Variants in GALNTL6 observed in about 807,000 individuals in gnomAD.
GALNTL6 encodes polypeptide N-acetylgalactosaminyltransferase-like 6.
Under a neutral mutation model 73.7 loss-of-function variants are expected in GALNTL6, and 46 were observed. That is an observed-to-expected ratio of 0.62 (90% confidence interval 0.49 to 0.80). The LOEUF is 0.80. Ranked by LOEUF, GALNTL6 falls within the 30% of genes least tolerant of loss-of-function variation. The pLI, the probability that GALNTL6 is intolerant of heterozygous loss-of-function variation, is 0.00. For missense variants in GALNTL6, 604 were observed against 755.0 expected (o/e 0.80, Z 2.34); for synonymous variants, 259 against 263.7 (o/e 0.98, Z 0.17).
At chr4:172,058,022 A>ATCAGCAACT (rs1731080570) in intron 2 of GALNTL6, among the ~76,000 whole-genome samples, 1 of 151,980 alleles carries the variant, frequency 6.6e-6, no homozygotes. Context: ...GGCTATATAA[A>ATCAGCAACT]TCAGCAACTA....
At chr4:172,380,145 G>T (rs1299022871) in intron 5 of GALNTL6, 5 of 1,048,170 alleles carry the variant, frequency 4.8e-6, no homozygotes, top group Non-Finnish European at 6.0e-6. Flanking sequence ...TCTGGATTTG[G>T]AGCACTTAAC....
chr4:172,812,009 A>AATGGATGGATGG lies in GALNTL6; in HGVS notation c.740-1491_740-1480dup, dbSNP rs71910847. On this transcript the variant is annotated intron_variant, in intron 6 of 12. Transcript: ENST00000506823. Reference sequence around the variant, plus strand: ...TATGAAAAGAATGACTGGATGGATAAATGGATGGATGGATGGATGGATGGA... The same window carrying AATGGATGGATGG: ...TATGAAAAGAATGACTGGATGGATAAATGGATGGATGGATGGATGGATGGATGGATGGATGGA... 1.0e-3 allele frequency among the ~76,000 whole-genome samples: 155 copies of AATGGATGGATGG among 148,312 alleles called. 1 individual carries two copies. Among genetic ancestry groups the AATGGATGGATGG allele is most frequent in the African/African-American group, 3.3e-3 (132 of 39,842 alleles).
At chr4:172,030,568 G>A (rs1228771098) in intron 2 of GALNTL6, among the ~76,000 whole-genome samples, 1 of 151,802 alleles carries the variant, frequency 6.6e-6, no homozygotes, top group Non-Finnish European at 1.5e-5. Context: ...AAATTAGCCA[G>A]GTGTGGTGGT....
chr4:172,205,938 T>A (rs1262872724), intron 2 of GALNTL6, among the ~76,000 whole-genome samples: 2 of 152,226 alleles, frequency 1.3e-5, no homozygotes, highest in Non-Finnish European at 2.9e-5. Flanking sequence ...ATTGAAAATA[T>A]AAACTAGGTG....
intron 5 of GALNTL6, among the ~76,000 whole-genome samples, chr4:172,477,667 A>T (rs1733287716): frequency 6.6e-6 from 1 of 152,242 alleles, no homozygotes; most frequent in African/African-American, 2.4e-5. Context: ...GTCAAATTCC[A>T]TGCTGTGATT....
At chr4:172,761,669 T>TTCTCTCTCTC (rs33989573) in intron 5 of GALNTL6, among the ~76,000 whole-genome samples, 10,324 of 147,124 alleles carry the variant, frequency 0.07, 456 homozygotes, top group Admixed American at 0.11. Flanking sequence ...CTTGCTCTCT[T>TTCTCTCTCTC]TCTCTCTCTC....
At chr4:172,257,709 A>G (rs1010987535) in intron 3 of GALNTL6, among the ~76,000 whole-genome samples, 2 of 151,200 alleles carry the variant, frequency 1.3e-5, no homozygotes, top group Non-Finnish European at 3.0e-5. Context: ...ATGAAAAAGT[A>G]AAATAATAAA....
chr4:172,233,694 G>A (rs1239117241), intron 3 of GALNTL6, among the ~76,000 whole-genome samples: 1 of 151,940 alleles, frequency 6.6e-6, no homozygotes, highest in East Asian at 1.9e-4. Flanking sequence ...ATCTGGTATA[G>A]CTCACCAAAA....
rs114945581 is a variant in GALNTL6 at position 172,431,432 on chromosome 4, C to T, written c.553+82743C>T. On this transcript the variant is annotated intron_variant, in intron 5 of 12. Transcript: ENST00000506823. ...TTTAATAATTATCTTTATGGTTTCA[C>T]AAAATGGCTATTTACACCCCTTAAT... Among the ~76,000 whole-genome samples, 703 of 152,202 alleles carry T rather than the reference C, an allele frequency of 4.6e-3. 8 individuals carry two copies. The highest frequency in any genetic ancestry group is 0.015 in the African/African-American group (638 of 41,544).
At chr4:171,968,004 C>T (rs2111058872) in intron 2 of GALNTL6, among the ~76,000 whole-genome samples, 1 of 152,242 alleles carries the variant, frequency 6.6e-6, no homozygotes, top group Admixed American at 6.5e-5. Context: ...CAATTCCTTC[C>T]AGGAGAAAGA....
chr4:172,431,813 A>G (rs1206893455), intron 5 of GALNTL6, among the ~76,000 whole-genome samples: 4 of 152,264 alleles, frequency 2.6e-5, no homozygotes, highest in African/African-American at 9.6e-5. Context: ...GTAATTTTAT[A>G]TTTATGCACT....
chr4:171,861,797 G>T (rs1735836216), intron 2 of GALNTL6, among the ~76,000 whole-genome samples: 1 of 151,906 alleles, frequency 6.6e-6, no homozygotes, highest in East Asian at 1.9e-4. Context: ...CAGGTATTCA[G>T]AATTTAAAAA....
At chr4:172,198,675 G>A (rs1330121505) in intron 2 of GALNTL6, among the ~76,000 whole-genome samples, 1 of 152,006 alleles carries the variant, frequency 6.6e-6, no homozygotes, top group East Asian at 1.9e-4. Flanking sequence ...AATTATCTGG[G>A]GACAAGAGGT....
At chr4:171,921,818 T>TA (rs1228674619) in intron 2 of GALNTL6, among the ~76,000 whole-genome samples, 1 of 152,070 alleles carries the variant, frequency 6.6e-6, no homozygotes, top group African/African-American at 2.4e-5. Context: ...ATCCTTCATT[T>TA]AAAAAAAGTC....
At chr4:172,128,655 G>A (rs1445884338) in intron 2 of GALNTL6, among the ~76,000 whole-genome samples, 1 of 152,084 alleles carries the variant, frequency 6.6e-6, no homozygotes, top group Admixed American at 6.5e-5. Flanking sequence ...ATGAGTTTCA[G>A]TGTTAAATTT....
At chr4:172,831,640 T>C (rs1742646698) in intron 7 of GALNTL6, among the ~76,000 whole-genome samples, 1 of 152,174 alleles carries the variant, frequency 6.6e-6, no homozygotes, top group Non-Finnish European at 1.5e-5. Context: ...ATGTGGGGTC[T>C]GGCTGGGTCT....
intron 8 of GALNTL6, 27 bp downstream of exon 8, chr4:172,882,934 A>G (rs1312511915): frequency 2.6e-6 from 3 of 1,163,754 alleles, no homozygotes; most frequent in South Asian, 1.3e-5. Flanking sequence ...TCTTCACACT[A>G]TATCTGTATA....
chr4:172,281,553 GA>G (rs1371755938), intron 3 of GALNTL6, among the ~76,000 whole-genome samples: 2 of 151,462 alleles, frequency 1.3e-5, no homozygotes, highest in Admixed American at 6.6e-5. Flanking sequence ...ACAAAAAAAA[GA>G]AAAAAAATTA....
intron 10 of GALNTL6, among the ~76,000 whole-genome samples, chr4:172,959,915 G>A (rs1479783100): frequency 4.6e-5 from 7 of 152,182 alleles, no homozygotes; most frequent in Non-Finnish European, 1.0e-4. Context: ...TGCTGGAGAT[G>A]TGGCTGGGGT....
Sources: gnomAD v4.1 joint callset for allele counts (sites outside exome capture counted in the v4.1 genomes callset) on GRCh38, gnomAD v4.1.1 for gene constraint, MANE v1.5 for transcripts, NCBI Gene and HGNC (gene_info 2026-07-23, HGNC 2026-07-21) for gene names.